CAST: variants seen among roughly 807,000 people sequenced by gnomAD.
The protein encoded by CAST is MIR583 host.
In CAST, 76 loss-of-function variants were observed where a neutral mutation model predicts 119.6. The ratio of observed to expected loss-of-function variants is 0.64; its 90% CI spans 0.53 to 0.77. CAST has a LOEUF of 0.77. CAST is among the 30% of genes least tolerant of loss of function. The pLI is 0.00. For synonymous variants in CAST, 319 were observed against 331.6 expected, an observed-to-expected ratio of 0.96 and a Z score of 0.41; for missense variants, 953 against 946.5, an observed-to-expected ratio of 1.01 and a Z score of -0.09.
intron 1 of CAST, among the ~76,000 whole-genome samples, chr5:96,534,747 A>AAGAGAGAG (rs1400894061): frequency 1.4e-4 from 4 of 28,454 alleles, no homozygotes; most frequent in South Asian, 2.0e-3. Context: ...GAGAGAAAGA[A>AAGAGAGAG]AGAAAGAAAG....
the CAST span, among the ~76,000 whole-genome samples, chr5:96,033,399 A>T: frequency 6.6e-6 from 1 of 152,192 alleles, no homozygotes; most frequent in Non-Finnish European, 1.5e-5. Context: ...ACTTCAAAAT[A>T]TACTACAAAG....
the CAST span, among the ~76,000 whole-genome samples, chr5:96,009,862 T>C: frequency 4.4e-3 from 664 of 152,312 alleles, 5 homozygotes; most frequent in African/African-American, 0.015. Flanking sequence ...TTGAAAATTA[T>C]TTGCCAGGTC....
upstream of CAST, among the ~76,000 whole-genome samples, chr5:96,523,954 C>T (rs1240883695): frequency 6.6e-6 from 1 of 152,152 alleles, no homozygotes; most frequent in Non-Finnish European, 1.5e-5. Context: ...TACCAGTATC[C>T]CCGTCTCCAG....
At chr5:96,395,664 A>G in the CAST span, among the ~76,000 whole-genome samples, 322 of 152,278 alleles carry the variant, frequency 2.1e-3, no homozygotes, top group African/African-American at 7.6e-3. Context: ...AAGGGGAGGG[A>G]TAGCATTAGG....
the CAST span, among the ~76,000 whole-genome samples, chr5:95,992,773 C>G: frequency 6.6e-6 from 1 of 152,072 alleles, no homozygotes; most frequent in South Asian, 2.1e-4. Context: ...GAAACTAAAA[C>G]TGGGTGAGGG....
At chr5:96,732,266 T>A (rs1221241482) in intron 9 of CAST, among the ~76,000 whole-genome samples, 2 of 137,644 alleles carry the variant, frequency 1.5e-5, no homozygotes, top group Admixed American at 7.6e-5. Context: ...ATGATGAGCA[T>A]TTTTTCATGT....
chr5:96,020,669 C>T, the CAST span, among the ~76,000 whole-genome samples: 15 of 152,192 alleles, frequency 9.9e-5, no homozygotes, highest in African/African-American at 3.6e-4. Context: ...CCAGATCAGA[C>T]AGTCTAGTTG....
the CAST span, among the ~76,000 whole-genome samples, chr5:96,192,402 T>G: frequency 6.6e-6 from 1 of 152,208 alleles, no homozygotes; most frequent in Non-Finnish European, 1.5e-5. Context: ...AACAATAACT[T>G]TAATATTTTA....
At chr5:96,735,130 CAGTCACTTATTTAGCACTTACAAT>C (rs1322300915) in intron 9 of CAST, among the ~76,000 whole-genome samples, 1 of 152,236 alleles carries the variant, frequency 6.6e-6, no homozygotes, top group African/African-American at 2.4e-5. Context: ...GCAATTGTAA[CAGTCACTTATTTAGCACTTACAAT>C]TACATAGCAA....
At chr5:96,278,044 T>G in the CAST span, among the ~76,000 whole-genome samples, 2 of 152,234 alleles carry the variant, frequency 1.3e-5, no homozygotes, top group East Asian at 1.9e-4. Flanking sequence ...AGAGTTTTTT[T>G]TTTTCAATTT....
Position 96,750,626 on chromosome 5 carries a change from G to C in CAST, c.1468G>C (p.Val490Leu). The C allele has an allele frequency of 6.2e-7, 1 of 1,613,268 alleles. No individual in the cohort carries two copies. Among genetic ancestry groups the C allele is most frequent in the Non-Finnish European group, 8.5e-7 (1 of 1,179,430 alleles). The change falls in exon 20 of 32, where the codon GTG (valine) becomes CTG (leucine). Residue 490 changes from valine to leucine, a missense_variant. Physicochemically the swap from Val to Leu is conservative, Grantham distance 32. Coordinates refer to ENST00000675179, the MANE Select transcript of CAST (RefSeq NM_001750.7). ...AAAPAPVSEAVCRTSMCSIQS... is the reference protein window; with the variant it reads ...AAAPAPVSEALCRTSMCSIQS... ...TGCTCCAGCTCCTGTGTCGGAGGCT[G>C]TGTGTCGGACCTCCATGTGTAGTAT...
the CAST span, among the ~76,000 whole-genome samples, chr5:96,263,393 C>G: frequency 6.6e-6 from 1 of 152,094 alleles, no homozygotes; most frequent in Non-Finnish European, 1.5e-5. Flanking sequence ...AGAAATGTGT[C>G]AAGGACCCCA....
the CAST span, among the ~76,000 whole-genome samples, chr5:96,002,767 G>T: frequency 6.6e-6 from 1 of 152,124 alleles, no homozygotes; most frequent in Non-Finnish European, 1.5e-5. Context: ...AAGGACCACT[G>T]ACTTTCATCT....
chr5:96,231,729 T>A, the CAST span, among the ~76,000 whole-genome samples: 2 of 152,240 alleles, frequency 1.3e-5, no homozygotes, highest in African/African-American at 4.8e-5. Flanking sequence ...TTATTGTTTA[T>A]TATCTTCATT....
chr5:96,266,816 A>G, the CAST span, among the ~76,000 whole-genome samples: 1 of 152,210 alleles, frequency 6.6e-6, no homozygotes, highest in Non-Finnish European at 1.5e-5. Context: ...TCTCCAGTGG[A>G]CACAAAAAGA....
the CAST span, among the ~76,000 whole-genome samples, chr5:96,481,467 A>G: frequency 6.6e-6 from 1 of 152,198 alleles, no homozygotes; most frequent in African/African-American, 2.4e-5. Context: ...GAATCATTGA[A>G]AAGCTGGATT....
intron 1 of CAST, among the ~76,000 whole-genome samples, chr5:96,610,939 C>T (rs1474728097): frequency 1.3e-5 from 2 of 152,110 alleles, no homozygotes; most frequent in Non-Finnish European, 2.9e-5. Flanking sequence ...CATACACACA[C>T]ACACGCACAG....
the CAST span, chr5:95,961,580 G>A: frequency 4.4e-6 from 7 of 1,594,084 alleles, no homozygotes; most frequent in Middle Eastern, 1.7e-4. Flanking sequence ...CTCACCTTGT[G>A]GCTCTGGTAA....
intron 4 of CAST, 144 bp from the exon 5 acceptor site, chr5:96,726,650 C>T: frequency 1.9e-6 from 1 of 539,634 alleles, no homozygotes; most frequent in South Asian, 3.0e-5. Context: ...GTGCCTACAG[C>T]TTCTTGGAGT....
Sources: allele counts gnomAD v4.1 joint callset (sites outside exome capture counted in the v4.1 genomes callset), GRCh38; gene constraint gnomAD v4.1.1; transcripts MANE v1.5; gene names NCBI Gene and HGNC (gene_info 2026-07-23, HGNC 2026-07-21).